The following CDH4 variants were observed in gnomAD, a reference collection of about 807,000 sequenced individuals.
CDH4 encodes the protein cadherin-4.
A neutral mutation model predicts 86.0 loss-of-function variants in CDH4; 33 were observed. The observed-to-expected ratio is 0.38, with a 90% CI of 0.29 to 0.51. The LOEUF (loss-of-function observed/expected upper bound fraction) is 0.51, where lower values mean the gene tolerates loss of function less well. CDH4 is among the 20% of genes least tolerant of loss of function. The probability of loss-of-function intolerance (pLI) is 0.86; values close to 1 mark genes in which losing one functional copy is unlikely to be tolerated. For synonymous variants in CDH4, 555 were observed against 549.4 expected (o/e 1.01, Z -0.14); for missense variants, 1,114 against 1,307.4 (o/e 0.85, Z 2.28).
intron 2 of CDH4, among the ~76,000 whole-genome samples, chr20:61,386,931 C>T (rs1050366770): frequency 5.3e-5 from 8 of 152,212 alleles, no homozygotes; most frequent in Non-Finnish European, 7.3e-5. Context: ...GACCACACTC[C>T]GGGTCAATAC....
intron 2 of CDH4, among the ~76,000 whole-genome samples, chr20:61,528,463 G>GGAGGGGGGGGGAGGGGAGGGGGGA (rs2085928354): frequency 1.0e-5 from 1 of 96,866 alleles, no homozygotes; most frequent in Non-Finnish European, 2.2e-5. Context: ...GAGGGGGAGA[G>GGAGGGGGGGGGAGGGGAGGGGGGA]GGAGGGGGAG....
intron 8 of CDH4, among the ~76,000 whole-genome samples, chr20:61,896,787 C>A (rs1284237688): frequency 1.3e-5 from 2 of 152,262 alleles, no homozygotes; most frequent in African/African-American, 4.8e-5. Context: ...GAAGCAGCTG[C>A]TAACCCCAGG....
At chr20:61,897,686 A>G (rs1985195637) in intron 8 of CDH4, among the ~76,000 whole-genome samples, 1 of 152,156 alleles carries the variant, frequency 6.6e-6, no homozygotes, top group Non-Finnish European at 1.5e-5. Flanking sequence ...GGCATTTATT[A>G]GAGAGAGGCG....
chr20:61,257,826 G>A (rs980093997), intron 2 of CDH4, among the ~76,000 whole-genome samples: 8 of 152,224 alleles, frequency 5.3e-5, no homozygotes, highest in Non-Finnish European at 8.8e-5. Flanking sequence ...CGTGGTGGGC[G>A]GAGTCTAGGC....
At chr20:61,559,771 C>T (rs2086203128) in intron 2 of CDH4, among the ~76,000 whole-genome samples, 2 of 151,946 alleles carry the variant, frequency 1.3e-5, no homozygotes, top group Admixed American at 6.6e-5. Context: ...CACCCACCTC[C>T]GCCTCCCAAA....
At chr20:61,259,073 A>G (rs2084115913) in intron 2 of CDH4, among the ~76,000 whole-genome samples, 1 of 152,136 alleles carries the variant, frequency 6.6e-6, no homozygotes. Context: ...TTGTTTTAGG[A>G]AGGAAGAAGG....
chr20:61,492,631 G>A (rs78418365), intron 2 of CDH4, among the ~76,000 whole-genome samples: 6 of 152,244 alleles, frequency 3.9e-5, no homozygotes, highest in South Asian at 2.1e-4. Flanking sequence ...TGTGTCAGGC[G>A]TGATTTGGAC....
At chr20:61,657,509 T>C (rs2087205139) in intron 2 of CDH4, among the ~76,000 whole-genome samples, 1 of 152,238 alleles carries the variant, frequency 6.6e-6, no homozygotes, top group Admixed American at 6.5e-5. Context: ...CAAAAAACAT[T>C]CTAAAGGATC....
At chr20:61,405,904 T>C (rs2085079178) in intron 2 of CDH4, among the ~76,000 whole-genome samples, 6 of 152,106 alleles carry the variant, frequency 3.9e-5, no homozygotes, top group Admixed American at 1.3e-4. Context: ...ATGGTCTCGA[T>C]CTCCTGACCT....
Position 61,879,518 on chromosome 20 carries a change from C to T in CDH4, c.1050+5618C>T, listed in dbSNP as rs1011565940. On this transcript the variant is annotated intron_variant, in intron 7 of 15. Coordinates refer to ENST00000614565, the MANE Select transcript of CDH4 (RefSeq NM_001794.5). The surrounding 1 kb of genome is among the most constrained non-coding windows in gnomAD (Gnocchi z 4.1). ...GAAGAAAATCCACAAACATCATTGCCGCCGTGTCTAATTAGGCAGAGCTAT... is the reference window on the plus strand; with the variant it reads ...GAAGAAAATCCACAAACATCATTGCTGCCGTGTCTAATTAGGCAGAGCTAT... 2.0e-5 allele frequency among the ~76,000 whole-genome samples: 3 copies of T among 152,140 alleles called. No individual in the cohort carries two copies. The highest frequency in any genetic ancestry group is 7.2e-5 in the African/African-American group (3 of 41,422).
Position 61,254,923 on chromosome 20 carries a change from A to T in CDH4, c.155A>T (p.Glu52Val), listed in dbSNP as rs2084090088. 1 of 1,603,576 alleles carries T rather than the reference A, an allele frequency of 6.2e-7. No individual in the cohort carries two copies. Among genetic ancestry groups the T allele is most frequent in the Non-Finnish European group, 8.5e-7 (1 of 1,170,586 alleles). Residue 52 changes from glutamate (E) to valine (V), a missense_variant, in exon 2 of 16, where the codon GAA becomes GTA. Physicochemically the swap from Glu to Val is moderately radical, Grantham distance 121. Around this residue, in one of 3 missense-constraint regions of CDH4, gnomAD observed 221 missense variants for 209.5 expected, o/e 1.05. Coordinates refer to ENST00000614565, the MANE Select transcript of CDH4 (RefSeq NM_001794.5). Reference protein sequence around the residue: ...ALISQNILEGEKLLQVKFSSC... With the variant: ...ALISQNILEGVKLLQVKFSSC... ...ATCTCCCAAAATATTCTAGAAGGGG[A>T]AAAGCTACTTCAAGGTAAGGCGGGG... is the stretch of plus-strand genomic sequence containing the variant.
In CDH4 at chr20:61,456,383, G is replaced by A. The variant is rs186382971; in HGVS notation, c.169+201446G>A. The stretch of plus-strand genomic sequence containing the variant: ...TTGTAGGCCAGTGGTTCTCTGCTAC[G>A]GCTGATTTTGACCCCCCAGTGGGCA... On this transcript the variant is annotated intron_variant, in intron 2 of 15. Coordinates refer to ENST00000614565, the MANE Select transcript of CDH4 (RefSeq NM_001794.5). Among the ~76,000 whole-genome samples, 35 of 152,298 alleles carry A rather than the reference G, an allele frequency of 2.3e-4. No individual in the cohort carries two copies. In the East Asian group the frequency reaches 6.2e-3, roughly 27 times the overall value.
intron 2 of CDH4, among the ~76,000 whole-genome samples, chr20:61,427,650 G>T (rs981812517): frequency 2.0e-5 from 3 of 151,940 alleles, no homozygotes; most frequent in Non-Finnish European, 4.4e-5. Flanking sequence ...TGGAACTTCT[G>T]GGGTGTGCAG....
At chr20:61,467,379 T>C (rs1393141890) in intron 2 of CDH4, among the ~76,000 whole-genome samples, 1 of 152,238 alleles carries the variant, frequency 6.6e-6, no homozygotes, top group Non-Finnish European at 1.5e-5. Flanking sequence ...TAGAAGCATC[T>C]GATTCTCAGC....
At chr20:61,896,179 G>A (rs563675526) in intron 8 of CDH4, among the ~76,000 whole-genome samples, 427 of 152,334 alleles carry the variant, frequency 2.8e-3, no homozygotes, top group Non-Finnish European at 4.5e-3. Context: ...GGTACAGCCA[G>A]GGTGCAGAGC....
rs562121490 is a variant in CDH4, at chr20:61,383,802, T to C, written c.169+128865T>C. Among the ~76,000 whole-genome samples the C allele has an allele frequency of 7.0e-4, 63 of 90,290 alleles. 2 individuals carry two copies. The South Asian group carries it at 0.014, about 20-fold the overall frequency. The allele number at this position is 90,290 out of a possible 152,430, so 59.2% of individuals were successfully genotyped here. A position where few individuals can be genotyped will look rare whatever the true frequency, so the allele number is the denominator to read the frequency against. ...ATATATATGAAGATATATATGCATA[T>C]ATATGAAGATATATATGCGTATATA... is the stretch of plus-strand genomic sequence containing the variant. On this transcript the variant is annotated intron_variant, in intron 2 of 15. Transcript: ENST00000614565.
chr20:61,344,961 C>T (rs909242728), intron 2 of CDH4, among the ~76,000 whole-genome samples: 6 of 152,174 alleles, frequency 3.9e-5, no homozygotes, highest in Non-Finnish European at 8.8e-5. Context: ...CTAGGATGCA[C>T]CTGAGTGCCC....
At chr20:61,465,963 A>C (rs1425895038) in intron 2 of CDH4, among the ~76,000 whole-genome samples, 5 of 151,904 alleles carry the variant, frequency 3.3e-5, no homozygotes, top group African/African-American at 1.2e-4. Flanking sequence ...ACGGGTTCAC[A>C]AATCAAGAAA....
In CDH4 at chr20:61,686,430, TATGTGC is replaced by T. The variant is rs764219492; in HGVS notation, c.170-57132_170-57127del. ...GTATGTGCCTGTACATTTGCGTGTGTATGTGCGTGTGCGTGTGCATTCGTGTGTGTG... is the reference window on the plus strand; with the variant it reads ...GTATGTGCCTGTACATTTGCGTGTGTGTGTGCGTGTGCATTCGTGTGTGTG... On this transcript the variant is annotated intron_variant, in intron 2 of 15. Transcript: ENST00000614565. 1.3e-3 allele frequency among the ~76,000 whole-genome samples: 202 copies of T among 150,888 alleles called. 5 individuals carry two copies. In the South Asian group the frequency reaches 0.022, roughly 16 times the overall value.
Sources: allele counts gnomAD v4.1 joint callset (sites outside exome capture counted in the v4.1 genomes callset), GRCh38; gene constraint gnomAD v4.1.1; regional missense constraint gnomAD v4.1.1; non-coding constraint Gnocchi (gnomAD v3.1); transcripts MANE v1.5; gene names NCBI Gene and HGNC (gene_info 2026-07-23, HGNC 2026-07-21).